Variants in DMD observed in about 807,000 individuals in gnomAD.
DMD encodes dystrophin.
In DMD, 63 loss-of-function variants were observed where a neutral mutation model predicts 330.1. That is an observed-to-expected ratio of 0.19 (90% CI 0.16 to 0.24). DMD has a LOEUF of 0.24. Ranked by LOEUF, DMD falls within the 10% of genes least tolerant of loss-of-function variation. DMD has a pLI of 1.00. For missense variants in DMD, 3,344 were observed against 2,684.1 expected (o/e 1.25, Z -5.43); for synonymous variants, 1,223 against 959.8 (o/e 1.27, Z -5.07).
intron 55 of DMD, among the ~76,000 whole-genome samples, chrX:31,610,365 A>C (rs1355748997): frequency 9.0e-6 from 1 of 111,688 alleles, no homozygotes; most frequent in African/African-American, 3.3e-5. Flanking sequence ...TTAATTTGTA[A>C]AATATACCTG....
Position 32,286,467 on chromosome X carries a change from C to T in DMD, c.6290+1062G>A, listed in dbSNP as rs188129899. Among the ~76,000 whole-genome samples, 405 of 111,445 alleles carry T rather than the reference C, an allele frequency of 3.6e-3. 3 individuals are homozygous for T. The highest frequency in any genetic ancestry group is 0.012 in the African/African-American group (380 of 30,681). On this transcript the variant is annotated intron_variant, in intron 43 of 78. Transcript: ENST00000357033. ...GGGCATCTGCAAATTGATTTAATAT[C>T]GCTAGAACATAATTGGAGGGGCTTG...
chrX:32,836,074 C>T (rs780015405), intron 4 of DMD, among the ~76,000 whole-genome samples: 5 of 110,248 alleles, frequency 4.5e-5, no homozygotes, highest in South Asian at 3.9e-4. Flanking sequence ...CTCGATCCCC[C>T]AGACTAGAGT....
rs778620626 is a variant in DMD, at chrX:32,619,130, TA to T, written c.1332-4678del. On this transcript the variant is annotated intron_variant, in intron 11 of 78. Transcript: ENST00000357033. ...TATACAATGGAATACTATTCAGCCA[TA>T]AAAAAGAATAAAATACTGTCATTTG... Among the ~76,000 whole-genome samples the T allele has an allele frequency of 2.7e-5, 3 of 111,344 alleles. No homozygotes were observed. In the East Asian group the frequency reaches 8.6e-4, roughly 32 times the overall value.
intron 60 of DMD, among the ~76,000 whole-genome samples, chrX:31,381,806 T>G (rs1262490331): frequency 8.9e-6 from 1 of 111,782 alleles, no homozygotes; most frequent in African/African-American, 3.3e-5. Context: ...ATCGTGGAAA[T>G]CTATCCTCAA....
intron 1 of DMD, among the ~76,000 whole-genome samples, chrX:33,123,002 G>C (rs528557136): frequency 1.8e-5 from 2 of 112,369 alleles, no homozygotes; most frequent in Non-Finnish European, 3.7e-5. Context: ...ATATACCGCA[G>C]TGGTCCCATT....
chrX:32,356,211 CAT>C (rs2097799074), intron 37 of DMD, among the ~76,000 whole-genome samples: 1 of 109,303 alleles, frequency 9.1e-6, no homozygotes, highest in Non-Finnish European at 1.9e-5. Flanking sequence ...ATTTTCCACA[CAT>C]AGAACCATAT....
chrX:32,082,706 G>A (rs1242063578), intron 44 of DMD, among the ~76,000 whole-genome samples: 2 of 111,617 alleles, frequency 1.8e-5, no homozygotes, highest in African/African-American at 6.5e-5. Flanking sequence ...CTACCCCATG[G>A]AGAAATAGTC....
At chrX:31,799,738 C>T (rs769407491) in intron 50 of DMD, among the ~76,000 whole-genome samples, 20 of 112,169 alleles carry the variant, frequency 1.8e-4, no homozygotes, top group African/African-American at 5.8e-4. Flanking sequence ...AAGTCCCATC[C>T]GCCTATGAGC....
At chrX:31,785,850 T>C (rs1321546915) in intron 50 of DMD, among the ~76,000 whole-genome samples, 4 of 112,050 alleles carry the variant, frequency 3.6e-5, no homozygotes, top group Admixed American at 9.4e-5. Flanking sequence ...CAGTCTATTA[T>C]TGATGGACAT....
chrX:31,163,339 C>T (rs1454186124), intron 74 of DMD, among the ~76,000 whole-genome samples: 1 of 111,545 alleles, frequency 9.0e-6, no homozygotes, highest in African/African-American at 3.3e-5. Context: ...TGCCTGCCAC[C>T]GTGTAAGACA....
chrX:33,252,222 T>C (rs1259627759), intron 1 of DMD, among the ~76,000 whole-genome samples: 9 of 111,655 alleles, frequency 8.1e-5, no homozygotes, highest in African/African-American at 2.9e-4. Flanking sequence ...TTTGAGATGA[T>C]TTACAGGAAA....
At chrX:31,964,755 T>A (rs1252628057) in intron 45 of DMD, among the ~76,000 whole-genome samples, 1 of 110,474 alleles carries the variant, frequency 9.1e-6, no homozygotes, top group African/African-American at 3.3e-5. Flanking sequence ...AATGGGCATA[T>A]GTTTTGCAAT....
At chrX:32,024,092 T>C (rs1381168294) in intron 44 of DMD, among the ~76,000 whole-genome samples, 1 of 111,235 alleles carries the variant, frequency 9.0e-6, no homozygotes, top group Non-Finnish European at 1.9e-5. Context: ...GTTGAAATTA[T>C]AAAAAGAAAA....
intron 1 of DMD, among the ~76,000 whole-genome samples, chrX:33,164,808 A>T (rs1214884454): frequency 9.0e-6 from 1 of 110,956 alleles, no homozygotes; most frequent in Non-Finnish European, 1.9e-5. Flanking sequence ...CTAATAGATC[A>T]TTGCACTCTC....
chrX:31,252,883 G>C (rs1259424602), intron 63 of DMD, among the ~76,000 whole-genome samples: 2 of 111,360 alleles, frequency 1.8e-5, no homozygotes, highest in African/African-American at 6.5e-5. Context: ...ATGGTGGCGG[G>C]AGGCTGCTGA....
intron 43 of DMD, among the ~76,000 whole-genome samples, chrX:32,239,835 C>T (rs373282456): frequency 8.9e-5 from 10 of 111,799 alleles, no homozygotes; most frequent in Non-Finnish European, 1.3e-4. Context: ...TTATCTTTCT[C>T]GGAAATACCA....
At chrX:31,142,602 T>C (rs1435081805) in intron 76 of DMD, among the ~76,000 whole-genome samples, 1 of 112,220 alleles carries the variant, frequency 8.9e-6, no homozygotes, top group Non-Finnish European at 1.9e-5. Flanking sequence ...ATGTACATGA[T>C]AAATTTTTTA....
chrX:32,510,814 T>G (rs767002920), intron 18 of DMD, among the ~76,000 whole-genome samples: 1 of 111,035 alleles, frequency 9.0e-6, no homozygotes, highest in Non-Finnish European at 1.9e-5. Flanking sequence ...AGTTAGGGAG[T>G]TGGGCACATC....
chrX:32,867,517 G>A (rs1360626918), intron 2 of DMD, among the ~76,000 whole-genome samples: 1 of 112,124 alleles, frequency 8.9e-6, no homozygotes, highest in Admixed American at 9.5e-5. Flanking sequence ...GGAAAAATTA[G>A]TTATAACTGC....
Sources: gnomAD v4.1 joint callset for allele counts (sites outside exome capture counted in the v4.1 genomes callset) on GRCh38, gnomAD v4.1.1 for gene constraint, MANE v1.5 for transcripts, NCBI Gene and HGNC (gene_info 2026-07-23, HGNC 2026-07-21) for gene names.